Variants in FCHO2 observed in about 807,000 individuals in gnomAD.
FCHO2 encodes F-BAR domain only protein 2.
In FCHO2, 43 loss-of-function variants were observed where a neutral mutation model predicts 114.1. That is an observed-to-expected ratio of 0.38 (90% confidence interval 0.30 to 0.49). The LOEUF is 0.49. FCHO2 is among the 20% of genes least tolerant of loss of function. The probability of loss-of-function intolerance (pLI) is 0.97; values close to 1 mark genes in which losing one functional copy is unlikely to be tolerated. For synonymous variants in FCHO2, 293 were observed against 315.2 expected (o/e 0.93, Z 0.75); for missense variants, 807 against 950.4 (o/e 0.85, Z 1.98).
chr5:72,974,448 T>C (rs372512849), intron 2 of FCHO2, among the ~76,000 whole-genome samples: 36,776 of 140,006 alleles, frequency 0.26, 5,240 homozygotes, highest in East Asian at 0.4. Context: ...ATCCCTTTAC[T>C]ATTATGTAAT....
intron 8 of FCHO2, chr5:73,021,342 G>C: frequency 2.5e-6 from 1 of 395,688 alleles, no homozygotes; most frequent in Non-Finnish European, 4.8e-6. Context: ...GAGGGAAGGA[G>C]GGAGGGTGAG....
chr5:72,994,538 TA>T (rs1486466565), intron 5 of FCHO2, among the ~76,000 whole-genome samples: 1 of 152,194 alleles, frequency 6.6e-6, no homozygotes, highest in Non-Finnish European at 1.5e-5. Context: ...GGTGGGAGTG[TA>T]AATTAATTCA....
At chr5:73,018,428 A>T (rs1040122369) in intron 8 of FCHO2, among the ~76,000 whole-genome samples, 1 of 148,574 alleles carries the variant, frequency 6.7e-6, no homozygotes, top group Admixed American at 6.7e-5. Context: ...CAAATCTTTA[A>T]ATTTTCACGT....
intron 3 of FCHO2, 97 bp from the exon 4 acceptor site, chr5:72,990,380 GC>G (rs1177253160): frequency 2.3e-5 from 19 of 839,646 alleles, no homozygotes; most frequent in African/African-American, 2.2e-4. Context: ...AAATAAAGTT[GC>G]CATATATACC....
In FCHO2 at chr5:73,058,485, G is replaced by T; in HGVS notation, c.1306G>T (p.Asp436Tyr). ...AWDPLFGPSLDSSSSSSLTSS... is the reference protein window; with the variant it reads ...AWDPLFGPSLYSSSSSSLTSS... ...GGACCCCCTATTTGGACCATCTCTT[G>T]ATTCATCTTCTTCATCTTCACTAAC... is the stretch of plus-strand genomic sequence containing the variant. The change falls in exon 17 of 26, where the codon GAT (aspartate) becomes TAT (tyrosine). Residue 436 changes from aspartate to tyrosine, a missense_variant. Asp to Tyr is a radical substitution (Grantham distance 160). Coordinates refer to ENST00000430046, the MANE Select transcript of FCHO2 (RefSeq NM_138782.3). The T allele has an allele frequency of 6.4e-7, 1 of 1,559,888 alleles. No individual in the cohort carries two copies.
chr5:72,993,686 A>G (rs902211377), intron 5 of FCHO2, among the ~76,000 whole-genome samples: 3 of 152,166 alleles, frequency 2.0e-5, no homozygotes, highest in Non-Finnish European at 4.4e-5. Context: ...TCGTTGCATG[A>G]TTGGACAGCT....
At chr5:72,991,266 G>A (rs1181943990) in intron 5 of FCHO2, among the ~76,000 whole-genome samples, 2 of 152,154 alleles carry the variant, frequency 1.3e-5, no homozygotes, top group African/African-American at 4.8e-5. Flanking sequence ...GTTTCGCCAT[G>A]TTAGTCAGGT....
chr5:73,011,719 T>C (rs1314936189), intron 6 of FCHO2, among the ~76,000 whole-genome samples: 1 of 152,130 alleles, frequency 6.6e-6, no homozygotes, highest in Non-Finnish European at 1.5e-5. Flanking sequence ...GAGACCAGCC[T>C]GGCCAACATG....
At position 72,966,580 on chromosome 5, in the gene FCHO2, G is replaced by T. The variant is rs569252670; in HGVS notation, c.34-1918G>T. Among the ~76,000 whole-genome samples, 16 of 152,304 alleles carry T rather than the reference G, an allele frequency of 1.1e-4. No individual in the cohort carries two copies. In the South Asian group the frequency reaches 3.3e-3, roughly 32 times the overall value. The stretch of plus-strand genomic sequence containing the variant: ...GGTTATTCAAAATGCTAAGGATATT[G>T]TTCATATTATCTTGTTACAGATGTG... On this transcript the variant is annotated intron_variant, in intron 1 of 25. Coordinates refer to ENST00000430046, the MANE Select transcript of FCHO2 (RefSeq NM_138782.3).
chr5:73,066,738 A>C (rs1375130832), intron 18 of FCHO2, among the ~76,000 whole-genome samples: 1 of 151,932 alleles, frequency 6.6e-6, no homozygotes, highest in Non-Finnish European at 1.5e-5. Context: ...GTACCAGATC[A>C]GTAGCATTAG....
At chr5:72,977,480 T>A (rs1380523236) in intron 2 of FCHO2, among the ~76,000 whole-genome samples, 2 of 152,342 alleles carry the variant, frequency 1.3e-5, no homozygotes, top group African/African-American at 4.8e-5. Context: ...GTTGTTTTTT[T>A]CTTGTAAATT....
At chr5:72,998,351 G>T (rs572887933) in intron 5 of FCHO2, among the ~76,000 whole-genome samples, 1 of 152,094 alleles carries the variant, frequency 6.6e-6, no homozygotes, top group Non-Finnish European at 1.5e-5. Context: ...GCCAGGCGTG[G>T]TGGCGGGCGC....
chr5:73,019,663 C>G (rs80302431), intron 8 of FCHO2, among the ~76,000 whole-genome samples: 1 of 152,128 alleles, frequency 6.6e-6, no homozygotes, highest in African/African-American at 2.4e-5. Context: ...GAAAAACATT[C>G]CAGTGCACGT....
chr5:73,082,832 GT>G lies in FCHO2; in HGVS notation c.2245+8del. 6.3e-7 allele frequency: 1 copy of G among 1,575,124 alleles called. No individual in the cohort carries two copies. The highest frequency in any genetic ancestry group is 8.6e-7 in the Non-Finnish European group (1 of 1,165,042). On this transcript the variant is annotated splice_region_variant and intron_variant, in intron 24 of 25. Transcript: ENST00000430046. Reference sequence around the variant, plus strand: ...GAAAAATCAGAAAATGGAGGTAAGTGTGTGTGTCCTTTTTTATTTATAAAAT... The same window carrying G: ...GAAAAATCAGAAAATGGAGGTAAGTGGTGTGTCCTTTTTTATTTATAAAAT...
intron 1 of FCHO2, among the ~76,000 whole-genome samples, chr5:72,958,543 C>G (rs144731668): frequency 6.6e-6 from 1 of 152,232 alleles, no homozygotes; most frequent in Non-Finnish European, 1.5e-5. Flanking sequence ...TCTTCCCTTA[C>G]GACAGCCAGT....
chr5:73,039,955 A>AT (rs1756727897), intron 10 of FCHO2, among the ~76,000 whole-genome samples: 1 of 114,660 alleles, frequency 8.7e-6, no homozygotes, highest in African/African-American at 2.7e-5. Context: ...AAAAAAAAAA[A>AT]AGAAGAAGAA....
chr5:72,991,306 C>G (rs1041244698), intron 5 of FCHO2, among the ~76,000 whole-genome samples: 1 of 152,162 alleles, frequency 6.6e-6, no homozygotes, highest in Non-Finnish European at 1.5e-5. Context: ...TCAGGTGATC[C>G]GCCCACCTTG....
At position 73,054,057 on chromosome 5, in the gene FCHO2, A is replaced by G. The variant is rs912857886; in HGVS notation, c.1174-103A>G. On this transcript the variant is annotated intron_variant, in intron 13 of 25. Coordinates refer to ENST00000430046, the MANE Select transcript of FCHO2 (RefSeq NM_138782.3). ...ACAGTGTATGTGTTTTAAGGTGTAT[A>G]TAGTTTAGATATGATTGAATAGGGA... The G allele has an allele frequency of 1.1e-5, 9 of 852,128 alleles. No homozygotes were observed. The African/African-American group carries it at 1.4e-4, about 13-fold the overall frequency. The allele number at this position is 852,128 out of a possible 1,614,324, so 52.8% of individuals were successfully genotyped here.
At chr5:73,013,261 A>AT (rs796410586) in intron 6 of FCHO2, among the ~76,000 whole-genome samples, 269 of 144,668 alleles carry the variant, frequency 1.9e-3, no homozygotes, top group African/African-American at 4.6e-3. Context: ...ACCATTCTGG[A>AT]TTTTTTTTTT....
Sources: allele counts gnomAD v4.1 joint callset (sites outside exome capture counted in the v4.1 genomes callset), GRCh38; gene constraint gnomAD v4.1.1; transcripts MANE v1.5; gene names NCBI Gene and HGNC (gene_info 2026-07-23, HGNC 2026-07-21).